DPYD: variants seen among roughly 807,000 people sequenced by gnomAD.
DPYD encodes the protein dihydropyrimidine dehydrogenase, also known as dihydropyrimidine dehydrogenase [NADP(+)].
DPYD carries 109 observed loss-of-function variants against 116.2 expected under a neutral mutation model. The ratio of observed to expected loss-of-function variants is 0.94; its 90% confidence interval spans 0.80 to 1.10. The LOEUF (loss-of-function observed/expected upper bound fraction) is 1.10. DPYD is among the 50% of genes least tolerant of loss of function. The probability of loss-of-function intolerance (pLI) is 0.00; values close to 1 mark genes in which losing one functional copy is unlikely to be tolerated. For synonymous variants in DPYD, 440 were observed against 432.0 expected (o/e 1.02, Z -0.23); for missense variants, 1,302 against 1,254.5 (o/e 1.04, Z -0.57).
intron 1 of DPYD, among the ~76,000 whole-genome samples, chr1:97,897,080 T>G (rs115094116): frequency 0.013 from 2,044 of 151,990 alleles, 50 homozygotes; most frequent in African/African-American, 0.047. Flanking sequence ...TAATATTTCT[T>G]GTAATGCGGG....
intron 3 of DPYD, among the ~76,000 whole-genome samples, chr1:97,789,544 G>T (rs1354921444): frequency 6.6e-6 from 1 of 152,130 alleles, no homozygotes; most frequent in Non-Finnish European, 1.5e-5. Flanking sequence ...TGAATTTTAG[G>T]CTTTCACCCT....
intron 18 of DPYD, among the ~76,000 whole-genome samples, chr1:97,261,278 C>T (rs1238161770): frequency 6.6e-6 from 1 of 151,910 alleles, no homozygotes; most frequent in Non-Finnish European, 1.5e-5. Flanking sequence ...TGCCTCTATG[C>T]GCTGGGCACT....
chr1:97,330,049 T>C (rs964285785), intron 16 of DPYD, among the ~76,000 whole-genome samples: 3 of 152,060 alleles, frequency 2.0e-5, no homozygotes, highest in Admixed American at 6.6e-5. Flanking sequence ...TGTATATATG[T>C]ATATAATCCT....
intron 11 of DPYD, among the ~76,000 whole-genome samples, chr1:97,549,978 G>A (rs182789036): frequency 6.6e-6 from 1 of 152,144 alleles, no homozygotes. Context: ...CACAGATTTG[G>A]TCAATGTTTC....
In DPYD at chr1:97,515,802, G is replaced by T; in HGVS notation, c.1664C>A (p.Thr555Asn). The T allele has an allele frequency of 6.2e-7, 1 of 1,612,922 alleles. No individual in the cohort carries two copies. Among genetic ancestry groups the T allele is most frequent in the Non-Finnish European group, 8.5e-7 (1 of 1,179,272 alleles). The change falls in exon 13 of 23, where the codon ACC becomes AAC. Residue 555 changes from threonine to asparagine, a missense_variant. Transcript: ENST00000370192. The part of the protein sequence containing the change: ...PFGLASATPA[T>N]STSMIRRAFE... ...AGCTCTTCGAATCATTGATGTGCTG[G>T]TGGCTGGAGTTGCGCTAGCAAGACC... is the stretch of plus-strand genomic sequence containing the variant.
At chr1:97,585,653 T>G (rs1654041566) in intron 10 of DPYD, among the ~76,000 whole-genome samples, 2 of 152,210 alleles carry the variant, frequency 1.3e-5, no homozygotes, top group South Asian at 4.1e-4. Flanking sequence ...ATTTATGTCT[T>G]TCGAATAGCA....
chr1:97,818,967 T>A (rs954055276), intron 3 of DPYD, among the ~76,000 whole-genome samples: 6 of 151,988 alleles, frequency 3.9e-5, no homozygotes, highest in African/African-American at 1.4e-4. Context: ...TACATAAGAC[T>A]AATTACATAT....
chr1:97,126,219 A>G (rs1652820587), intron 20 of DPYD, among the ~76,000 whole-genome samples: 1 of 152,132 alleles, frequency 6.6e-6, no homozygotes, highest in Non-Finnish European at 1.5e-5. Flanking sequence ...ACCTCCACAC[A>G]TGAGTATTTG....
intron 14 of DPYD, among the ~76,000 whole-genome samples, chr1:97,383,490 A>AAG (rs1553167436): frequency 4.1e-4 from 61 of 149,580 alleles, no homozygotes; most frequent in South Asian, 1.9e-3. Flanking sequence ...AAAAAAAAAG[A>AAG]AAAAAAGAAA....
chr1:97,182,934 G>C (rs1413232), intron 20 of DPYD, among the ~76,000 whole-genome samples: 19,709 of 152,088 alleles, frequency 0.13, 1,552 homozygotes, highest in East Asian at 0.39. Context: ...CTGGGCACAA[G>C]TTCTTCATGA....
chr1:97,431,574 T>C (rs1675179878), intron 14 of DPYD, among the ~76,000 whole-genome samples: 2 of 152,188 alleles, frequency 1.3e-5, no homozygotes, highest in Non-Finnish European at 2.9e-5. Flanking sequence ...ATAATTTTTA[T>C]GGTTATATAA....
intron 3 of DPYD, among the ~76,000 whole-genome samples, chr1:97,763,040 A>G (rs1665661774): frequency 6.6e-6 from 1 of 152,124 alleles, no homozygotes; most frequent in African/African-American, 2.4e-5. Flanking sequence ...GTAAATGTCC[A>G]ATAAATATTT....
intron 3 of DPYD, among the ~76,000 whole-genome samples, chr1:97,812,643 T>A (rs1241733017): frequency 6.6e-6 from 1 of 152,058 alleles, no homozygotes; most frequent in African/African-American, 2.4e-5. Context: ...TGGTCCTAAA[T>A]TATTTGGCAT....
At chr1:97,469,476 T>C (rs565940380) in intron 13 of DPYD, among the ~76,000 whole-genome samples, 2 of 150,668 alleles carry the variant, frequency 1.3e-5, no homozygotes, top group Admixed American at 6.6e-5. Context: ...TTTTTGGTTG[T>C]AGTTGATTTT....
chr1:97,440,656 G>A (rs575227635), intron 14 of DPYD, among the ~76,000 whole-genome samples: 37 of 152,142 alleles, frequency 2.4e-4, no homozygotes, highest in African/African-American at 7.7e-4. Flanking sequence ...CCCAACTTTC[G>A]TACTATAGTT....
intron 19 of DPYD, among the ~76,000 whole-genome samples, chr1:97,216,142 G>A (rs1012650673): frequency 6.6e-6 from 1 of 152,100 alleles, no homozygotes; most frequent in Non-Finnish European, 1.5e-5. Flanking sequence ...TTCCCACAGT[G>A]AGATGACTTC....
intron 18 of DPYD, among the ~76,000 whole-genome samples, chr1:97,257,698 T>C (rs1570773964): frequency 6.6e-6 from 1 of 152,130 alleles, no homozygotes; most frequent in East Asian, 1.9e-4. Flanking sequence ...AAATTTAAAC[T>C]AGACATTAAA....
At chr1:97,211,769 C>T (rs1240790107) in intron 19 of DPYD, among the ~76,000 whole-genome samples, 2 of 151,886 alleles carry the variant, frequency 1.3e-5, no homozygotes, top group Non-Finnish European at 2.9e-5. Flanking sequence ...CTTAATTAGG[C>T]AGACTTATTT....
At chr1:97,565,741 CTT>C (rs1652472860) in intron 11 of DPYD, among the ~76,000 whole-genome samples, 2 of 152,266 alleles carry the variant, frequency 1.3e-5, no homozygotes, top group African/African-American at 4.8e-5. Flanking sequence ...GGCAATGACT[CTT>C]TTACTTGTGT....
Sources: gnomAD v4.1 joint callset for allele counts (sites outside exome capture counted in the v4.1 genomes callset) on GRCh38, gnomAD v4.1.1 for gene constraint, MANE v1.5 for transcripts, NCBI Gene and HGNC (gene_info 2026-07-23, HGNC 2026-07-21) for gene names.